Variants in KIFC1 observed in about 807,000 individuals in gnomAD.
The protein encoded by KIFC1 is kinesin-like protein KIFC1.
KIFC1 carries 37 observed loss-of-function variants against 66.6 expected under a neutral mutation model. That is an observed-to-expected ratio of 0.56 (90% CI 0.43 to 0.73). The LOEUF is 0.73. KIFC1 is among the 30% of genes least tolerant of loss of function. KIFC1 has a pLI of 0.00. For synonymous variants in KIFC1, 325 were observed against 343.5 expected, an observed-to-expected ratio of 0.95 and a Z score of 0.60; for missense variants, 721 against 859.8, an observed-to-expected ratio of 0.84 and a Z score of 2.02.
Position 33,405,733 on chromosome 6 carries a change from G to A in KIFC1, c.1536+102G>A. 8.2e-7 allele frequency: 1 copy of A among 1,226,760 alleles called. No homozygotes were observed. The highest frequency in any genetic ancestry group is 3.1e-5 in the Admixed American group (1 of 32,772). The allele number at this position is 1,226,760 out of a possible 1,614,324, so 76.0% of individuals were successfully genotyped here. On this transcript the variant is annotated intron_variant, in intron 7 of 10. Transcript: ENST00000428849. This position sits in a 1 kb window ranked among gnomAD's most constrained non-coding sequence, Gnocchi z 5.4. ...AAGGAGCAAGAGAGAATTGAAGGAT[G>A]AAGTGCAAGTTATCAGGCTGGGTTA... is the stretch of plus-strand genomic sequence containing the variant.
chr6:33,406,415 C>T lies in KIFC1; in HGVS notation c.1756C>T (p.Leu586Phe). Residue 586 changes from leucine to phenylalanine, a missense_variant, in exon 8 of 11, where the codon CTT becomes TTT. Leu to Phe is a conservative substitution (Grantham distance 22, BLOSUM62 0). Transcript: ENST00000428849. This position sits in a 1 kb window ranked among gnomAD's most constrained non-coding sequence, Gnocchi z 4.5. ...CCTCGGCCCCGGGGAGCGGGAACGC[C>T]TTCGGGAAACACAGGCCATTAACAG... is the stretch of plus-strand genomic sequence containing the variant. ...LALGPGERER[L>F]RETQAINSSL... 1 of 1,607,794 alleles carries T rather than the reference C, an allele frequency of 6.2e-7. No homozygotes were observed. Among genetic ancestry groups the T allele is most frequent in the Non-Finnish European group, 8.5e-7 (1 of 1,175,596 alleles).
chr6:33,392,009 C>A lies in KIFC1; in HGVS notation c.12+12C>A, dbSNP rs747759152. On this transcript the variant is annotated intron_variant, in intron 1 of 10. Coordinates refer to ENST00000428849, the MANE Select transcript of KIFC1 (RefSeq NM_002263.4). ...ACATGGATCCGCAGGTGAGTAGGGG[C>A]GGCGCAGGTGTCCTGCCCTGGGGAT... is the stretch of plus-strand genomic sequence containing the variant. 6.2e-7 allele frequency: 1 copy of A among 1,613,510 alleles called. No individual in the cohort carries two copies. Among genetic ancestry groups the A allele is most frequent in the Non-Finnish European group, 8.5e-7 (1 of 1,179,816 alleles).
chr6:33,394,241 G>A (rs1396738481), intron 1 of KIFC1, among the ~76,000 whole-genome samples: 1 of 152,182 alleles, frequency 6.6e-6, no homozygotes, highest in African/African-American at 2.4e-5. Flanking sequence ...GGTGTCTTAG[G>A]TCAGGGTGAT....
Position 33,403,865 on chromosome 6 carries a change from C to T in KIFC1, c.492C>T (p.Asn164=), listed in dbSNP as rs1418705843. 1.2e-6 allele frequency: 2 copies of T among 1,614,206 alleles called. No homozygotes were observed. The highest frequency in any genetic ancestry group is 1.1e-5 in the South Asian group (1 of 91,090). The change falls in exon 6 of 11, where the codon AAC becomes AAT. Residue 164 remains asparagine, a synonymous_variant. Transcript: ENST00000428849. The surrounding 1 kb of genome is among the most constrained non-coding windows in gnomAD (Gnocchi z 4.6). ...GGACTCAAACGTTGGACCAAGAGAA[C>T]CAGCAGCTTCAGGACCAGCTCAGAG... ...RERTQTLDQE[N]QQLQDQLRDA...
intron 1 of KIFC1, among the ~76,000 whole-genome samples, chr6:33,396,436 C>CTTTTTTTTTTTTTTTTTTTT (rs199749552): frequency 2.1e-4 from 24 of 116,250 alleles, no homozygotes; most frequent in East Asian, 2.8e-4. Flanking sequence ...CTTTTCTTTT[C>CTTTTTTTTTTTTTTTTTTTT]TTTTTTTTTT....
At chr6:33,397,569 T>A in intron 1 of KIFC1, among the ~76,000 whole-genome samples, 1 of 152,222 alleles carries the variant, frequency 6.6e-6, no homozygotes, top group East Asian at 1.9e-4. Context: ...GTGCTGGGAT[T>A]ACAGGCATAA....
At chr6:33,396,436 C>CTTTTTTTTTTTTTTTTT (rs199749552) in intron 1 of KIFC1, among the ~76,000 whole-genome samples, 1 of 116,258 alleles carries the variant, frequency 8.6e-6, no homozygotes, top group Non-Finnish European at 1.7e-5. Flanking sequence ...CTTTTCTTTT[C>CTTTTTTTTTTTTTTTTT]TTTTTTTTTT....
intron 10 of KIFC1, among the ~76,000 whole-genome samples, chr6:33,409,437 T>G (rs1775808338): frequency 6.6e-6 from 1 of 152,186 alleles, no homozygotes; most frequent in Non-Finnish European, 1.5e-5. Flanking sequence ...CTTCTGGGGC[T>G]TCCATCTCTT....
At chr6:33,397,988 G>A in intron 1 of KIFC1, 41 bp from the exon 2 acceptor site, 1 of 1,604,102 alleles carries the variant, frequency 6.2e-7, no homozygotes, top group Non-Finnish European at 8.5e-7. Context: ...TGGGACATTT[G>A]GGCTCCTGGG....
chr6:33,400,309 TTGA>T lies in KIFC1; in HGVS notation c.250+1927_250+1929del. 6.3e-7 allele frequency: 1 copy of T among 1,580,904 alleles called. No individual in the cohort carries two copies. Among genetic ancestry groups the T allele is most frequent in the Non-Finnish European group, 8.6e-7 (1 of 1,164,076 alleles). ...GTCTCTTGGTGGTTTCTTGAGGGCT[TTGA>T]TGATCGGGGCAGAGGCAGAAGGCAC... On this transcript the variant is annotated intron_variant, in intron 3 of 10. Transcript: ENST00000428849. This position sits in a 1 kb window ranked among gnomAD's most constrained non-coding sequence, Gnocchi z 4.3.
Position 33,403,664 on chromosome 6 carries a change from T to C in KIFC1, c.356-65T>C. The stretch of plus-strand genomic sequence containing the variant: ...CATCAGGTGTGGATCCCATAAAGGC[T>C]AGAAGGGAGGAGGGATAGAGAGCCT... On this transcript the variant is annotated intron_variant, in intron 5 of 10. Transcript: ENST00000428849. The surrounding 1 kb of genome is among the most constrained non-coding windows in gnomAD (Gnocchi z 4.6). The C allele has an allele frequency of 1.3e-6, 2 of 1,593,086 alleles. No homozygotes were observed. The highest frequency in any genetic ancestry group is 1.1e-5 in the South Asian group (1 of 90,062).
At chr6:33,399,364 C>T (rs1388477192) in intron 3 of KIFC1, among the ~76,000 whole-genome samples, 6 of 150,966 alleles carry the variant, frequency 4.0e-5, no homozygotes, top group African/African-American at 9.7e-5. Flanking sequence ...GGCGACAGAG[C>T]GAGACTCGGT....
Position 33,403,310 on chromosome 6 carries a change from G to A in KIFC1, c.251-4G>A, listed in dbSNP as rs750492392. On this transcript the variant is annotated splice_region_variant and splice_polypyrimidine_tract_variant and intron_variant, in intron 3 of 10. Coordinates refer to ENST00000428849, the MANE Select transcript of KIFC1 (RefSeq NM_002263.4). This position sits in a 1 kb window ranked among gnomAD's most constrained non-coding sequence, Gnocchi z 4.6. ...ACCTTTGCTCTCTCCCATCTCCTGGGCAGCTCAAAAAGTTTCCAAGAAGAC... is the reference window on the plus strand; with the variant it reads ...ACCTTTGCTCTCTCCCATCTCCTGGACAGCTCAAAAAGTTTCCAAGAAGAC... The A allele has an allele frequency of 9.9e-6, 16 of 1,612,462 alleles. No homozygotes were observed. The highest frequency in any genetic ancestry group is 1.3e-5 in the Non-Finnish European group (15 of 1,179,606).
intron 1 of KIFC1, among the ~76,000 whole-genome samples, chr6:33,396,723 C>A (rs994731431): frequency 3.3e-5 from 5 of 151,600 alleles, no homozygotes; most frequent in Non-Finnish European, 5.9e-5. Flanking sequence ...GCTCTGTCAC[C>A]CAGGCTGGAG....
At position 33,405,300 on chromosome 6, in the gene KIFC1, A is replaced by C; in HGVS notation, c.1205A>C (p.Tyr402Ser). 1 of 1,614,130 alleles carries C rather than the reference A, an allele frequency of 6.2e-7. No homozygotes were observed. The highest frequency in any genetic ancestry group is 8.5e-7 in the Non-Finnish European group (1 of 1,180,026). The change falls in exon 7 of 11, where the codon TAT becomes TCT. Residue 402 changes from tyrosine (Y) to serine (S), a missense_variant. Physicochemically the swap from Tyr to Ser is moderately radical, Grantham distance 144. Transcript: ENST00000428849. This position sits in a 1 kb window ranked among gnomAD's most constrained non-coding sequence, Gnocchi z 5.4. ...CTTGTCCAGTCAGCCCTGGATGGCT[A>C]TCCAGTATGCATCTTTGCCTATGGC... ...AMLVQSALDG[Y>S]PVCIFAYGQT...
In KIFC1 at chr6:33,391,961, C is replaced by T. The variant is rs773222863; in HGVS notation, c.-25C>T. On this transcript the variant is annotated 5_prime_UTR_variant, in exon 1 of 11. Transcript: ENST00000428849. ...CCAGTTCTCTTCCACTGCATTCCCC[C>T]GGCGCGTGTGGGACCGAGGTGGACA... The T allele has an allele frequency of 5.6e-6, 9 of 1,613,762 alleles. No homozygotes were observed. The Admixed American group carries it at 1.0e-4, about 18-fold the overall frequency.
chr6:33,405,798 C>T lies in KIFC1; in HGVS notation c.1536+167C>T, dbSNP rs73741832. On this transcript the variant is annotated intron_variant, in intron 7 of 10. Transcript: ENST00000428849. This position sits in a 1 kb window ranked among gnomAD's most constrained non-coding sequence, Gnocchi z 5.4. ...GGCCTGTGGGCTGTCGGTAGATCTG[C>T]CTTAACCTGGGAGTGGCGAGGGAGT... Among the ~76,000 whole-genome samples the T allele has an allele frequency of 5.9e-3, 901 of 152,254 alleles. 6 individuals carry two copies. The highest frequency in any genetic ancestry group is 0.018 in the African/African-American group (745 of 41,540).
chr6:33,404,017 A>G lies in KIFC1; in HGVS notation c.644A>G (p.Glu215Gly), dbSNP rs1188236210. ...ELKNLRACVL[E>G]LEERLSTQEG... Reference sequence around the variant, plus strand: ...AAGAACTTGCGTGCTTGTGTCCTGGAGCTGGAAGAGCGGCTGAGCACGCAG... The same window carrying G: ...AAGAACTTGCGTGCTTGTGTCCTGGGGCTGGAAGAGCGGCTGAGCACGCAG... The change falls in exon 6 of 11, where the codon GAG (glutamate) becomes GGG (glycine). Residue 215 changes from glutamate to glycine, a missense_variant. Glu to Gly is a moderately conservative substitution (Grantham distance 98). Transcript: ENST00000428849. This position sits in a 1 kb window ranked among gnomAD's most constrained non-coding sequence, Gnocchi z 4.0. 6.2e-7 allele frequency: 1 copy of G among 1,614,084 alleles called. No homozygotes were observed. Among genetic ancestry groups the G allele is most frequent in the African/African-American group, 1.3e-5 (1 of 74,924 alleles).
rs771759288 is a variant in KIFC1, at chr6:33,400,548, C to T, written c.250+2161C>T. 18 of 1,467,128 alleles carry T rather than the reference C, an allele frequency of 1.2e-5. No individual in the cohort carries two copies. The East Asian group carries it at 2.3e-4, about 19-fold the overall frequency. The allele number at this position is 1,467,128 out of a possible 1,614,324, so 90.9% of individuals were successfully genotyped here. A position where few individuals can be genotyped will look rare whatever the true frequency, so the allele number is the denominator to read the frequency against. On this transcript the variant is annotated intron_variant, in intron 3 of 10. Transcript: ENST00000428849. The surrounding 1 kb of genome is among the most constrained non-coding windows in gnomAD (Gnocchi z 4.3). ...CCTTGATCTCGTTGGGGTCGAACTT[C>T]GGTGGCATGGTGGAGGCAGCTGGTG...
Sources: gnomAD v4.1 joint callset for allele counts (sites outside exome capture counted in the v4.1 genomes callset) on GRCh38, gnomAD v4.1.1 for gene constraint, Gnocchi (gnomAD v3.1) non-coding constraint, MANE v1.5 for transcripts, NCBI Gene and HGNC (gene_info 2026-07-23, HGNC 2026-07-21) for gene names.